The following AFF3 variants were observed in gnomAD, a reference collection of about 807,000 sequenced individuals.
AFF3 encodes AF4/FMR2 family member 3.
In AFF3, 32 loss-of-function variants were observed where a neutral mutation model predicts 129.7. That is an observed-to-expected ratio of 0.25 (90% CI 0.19 to 0.33). The LOEUF (loss-of-function observed/expected upper bound fraction) is 0.33. Ranked by LOEUF, AFF3 falls within the 10% of genes least tolerant of loss-of-function variation. The probability of loss-of-function intolerance (pLI) is 1.00; values close to 1 mark genes in which losing one functional copy is unlikely to be tolerated. For missense variants in AFF3, 1,373 were observed against 1,592.0 expected, an observed-to-expected ratio of 0.86 and a Z score of 2.34; for synonymous variants, 644 against 635.4, an observed-to-expected ratio of 1.01 and a Z score of -0.20.
chr2:99,915,453 T>C (rs1558971878), intron 7 of AFF3, among the ~76,000 whole-genome samples: 1 of 152,154 alleles, frequency 6.6e-6, no homozygotes, highest in Admixed American at 6.5e-5. Context: ...ATCATACTGA[T>C]GATCTCTGCG....
intron 7 of AFF3, among the ~76,000 whole-genome samples, chr2:99,919,995 A>C (rs890331579): frequency 2.4e-4 from 36 of 152,276 alleles, no homozygotes; most frequent in African/African-American, 8.4e-4. Flanking sequence ...CTTGAAAAAT[A>C]CAACTTACCA....
At chr2:99,707,080 A>G (rs1677469188) in intron 11 of AFF3, 2 of 984,754 alleles carry the variant, frequency 2.0e-6, no homozygotes, top group South Asian at 9.4e-5. Context: ...CGAAGATATA[A>G]TAGTACAATG....
intron 7 of AFF3, among the ~76,000 whole-genome samples, chr2:99,935,128 G>T (rs4578903): frequency 0.025 from 3,825 of 152,314 alleles, 157 homozygotes; most frequent in African/African-American, 0.086. Context: ...CATTAGCACA[G>T]GGATGGCAAA....
At chr2:99,947,645 T>TAGACAGACAGAC (rs1462200103) in intron 7 of AFF3, among the ~76,000 whole-genome samples, 173 of 134,562 alleles carry the variant, frequency 1.3e-3, no homozygotes, top group South Asian at 2.2e-3. Context: ...GATAGATAGA[T>TAGACAGACAGAC]AGATAGATAG....
chr2:99,754,419 A>G (rs1416455918), intron 8 of AFF3, among the ~76,000 whole-genome samples: 1 of 152,224 alleles, frequency 6.6e-6, no homozygotes, highest in African/African-American at 2.4e-5. Context: ...ACTCATGATT[A>G]AACATCAGAC....
chr2:100,000,857 A>G (rs745327965), intron 7 of AFF3, among the ~76,000 whole-genome samples: 10 of 152,198 alleles, frequency 6.6e-5, no homozygotes, highest in Non-Finnish European at 1.3e-4. Flanking sequence ...ATTCCACAGC[A>G]TTCTACCTCT....
chr2:100,038,653 G>A (rs1039762342), intron 4 of AFF3, among the ~76,000 whole-genome samples: 1 of 151,664 alleles, frequency 6.6e-6, no homozygotes, highest in Admixed American at 6.6e-5. Context: ...GCCACATAAC[G>A]AAGCATTTAA....
chr2:100,028,653 T>C (rs1225029663), intron 4 of AFF3, among the ~76,000 whole-genome samples: 1 of 152,124 alleles, frequency 6.6e-6, no homozygotes, highest in Non-Finnish European at 1.5e-5. Flanking sequence ...AGAAATAAAA[T>C]TTTATTTTTC....
chr2:99,787,134 A>G (rs1218860727), intron 8 of AFF3, among the ~76,000 whole-genome samples: 2 of 152,108 alleles, frequency 1.3e-5, no homozygotes, highest in Non-Finnish European at 1.5e-5. Flanking sequence ...ACTTCTCTCA[A>G]AGATTTTGCT....
rs537819010 is a variant in AFF3, at chr2:99,685,129, G to A, written c.1092-12540C>T. 2.2e-4 allele frequency among the ~76,000 whole-genome samples: 34 copies of A among 151,890 alleles called. 2 individuals carry two copies. The highest frequency in any genetic ancestry group is 4.4e-4 in the Non-Finnish European group (30 of 68,000). On this transcript the variant is annotated intron_variant, in intron 11 of 24. Transcript: ENST00000672756. ...AATTTTTGTAATTTTAATAGAGACCGGTTTTCACCATGGTGTGGCCAGGCT... is the reference window on the plus strand; with the variant it reads ...AATTTTTGTAATTTTAATAGAGACCAGTTTTCACCATGGTGTGGCCAGGCT...
chr2:99,692,331 G>A (rs1365463189), intron 11 of AFF3, among the ~76,000 whole-genome samples: 1 of 152,130 alleles, frequency 6.6e-6, no homozygotes, highest in Non-Finnish European at 1.5e-5. Context: ...AGGGAGACAG[G>A]AGAGTGGATT....
rs1370823630 is a variant in AFF3 at position 99,594,233 on chromosome 2, A to T, written c.1428T>A (p.Asn476Lys). The change falls in exon 15 of 25, where the codon AAT becomes AAA. Residue 476 changes from asparagine (N) to lysine (K), a missense_variant. Coordinates refer to ENST00000672756, the MANE Select transcript of AFF3 (RefSeq NM_001386135.1). ...WQLDKWLNKV[N>K]PHKPPILIQN... ...GGATCAGAATAGGAGGCTTGTGGGG[A>T]TTAACTTTGTTTAGCCATTTATCCA... 1 of 1,612,954 alleles carries T rather than the reference A, an allele frequency of 6.2e-7. No homozygotes were observed. Among genetic ancestry groups the T allele is most frequent in the Non-Finnish European group, 8.5e-7 (1 of 1,179,436 alleles).
At chr2:99,581,617 C>T (rs889314571) in intron 17 of AFF3, among the ~76,000 whole-genome samples, 2 of 151,832 alleles carry the variant, frequency 1.3e-5, no homozygotes, top group African/African-American at 4.8e-5. Flanking sequence ...CTCCCAGGTT[C>T]AAGCGATTCT....
At chr2:99,782,786 AC>A (rs1489574185) in intron 8 of AFF3, among the ~76,000 whole-genome samples, 2 of 152,202 alleles carry the variant, frequency 1.3e-5, no homozygotes, top group Non-Finnish European at 2.9e-5. Context: ...GTGTTCTAAA[AC>A]CCACAACAAC....
chr2:99,887,469 C>G (rs2106054806), intron 7 of AFF3, among the ~76,000 whole-genome samples: 1 of 152,282 alleles, frequency 6.6e-6, no homozygotes, highest in South Asian at 2.1e-4. Flanking sequence ...GTTTATGAAG[C>G]TGATTATCTT....
intron 4 of AFF3, among the ~76,000 whole-genome samples, chr2:100,028,792 G>C (rs1559070367): frequency 1.3e-5 from 2 of 152,178 alleles, no homozygotes. Context: ...ATATTGCAAA[G>C]AAACCCTTGA....
At chr2:99,571,982 ATCT>A (rs1270945218) in intron 18 of AFF3, among the ~76,000 whole-genome samples, 2 of 151,830 alleles carry the variant, frequency 1.3e-5, no homozygotes, top group Non-Finnish European at 2.9e-5. Context: ...TTTCCATCTA[ATCT>A]TCTATTTTTT....
rs151199670 is a variant in AFF3, at chr2:99,973,738, C to T, written c.873+32894G>A. On this transcript the variant is annotated intron_variant, in intron 7 of 24. Transcript: ENST00000672756. ...TGAGCAGTTTAATGGAAAATAATTG[C>T]TCCAGGTACAGGTCTTCTAGGCACA... Among the ~76,000 whole-genome samples, 541 of 151,258 alleles carry T rather than the reference C, an allele frequency of 3.6e-3. 1 individual carries two copies. Among genetic ancestry groups the T allele is most frequent in the African/African-American group, 0.013 (516 of 41,128 alleles).
chr2:99,721,807 T>C (rs992253150), intron 11 of AFF3, among the ~76,000 whole-genome samples: 3 of 152,226 alleles, frequency 2.0e-5, no homozygotes, highest in African/African-American at 7.2e-5. Context: ...ATCTATAAAT[T>C]AATGTTTTCA....
Sources: gnomAD v4.1 joint callset for allele counts (sites outside exome capture counted in the v4.1 genomes callset) on GRCh38, gnomAD v4.1.1 for gene constraint, MANE v1.5 for transcripts, NCBI Gene and HGNC (gene_info 2026-07-23, HGNC 2026-07-21) for gene names.